Variants in PHACTR1 observed in about 807,000 individuals in gnomAD.
PHACTR1 encodes phosphatase and actin regulator 1.
PHACTR1 carries 16 observed loss-of-function variants against 69.2 expected under a neutral mutation model. The ratio of observed to expected loss-of-function variants is 0.23; its 90% CI spans 0.16 to 0.35. The LOEUF is 0.35. Among genes scored for constraint, PHACTR1 ranks in the 10% least tolerant of loss-of-function variants. PHACTR1 has a pLI of 1.00. For synonymous variants in PHACTR1, 312 were observed against 284.5 expected, an observed-to-expected ratio of 1.10 and a Z score of -0.97; for missense variants, 510 against 734.7, an observed-to-expected ratio of 0.69 and a Z score of 3.54.
intron 4 of PHACTR1, among the ~76,000 whole-genome samples, chr6:12,780,402 C>A (rs1480788387): frequency 6.6e-6 from 1 of 152,068 alleles, no homozygotes; most frequent in Non-Finnish European, 1.5e-5. Context: ...CAAGTAATTA[C>A]TGTTATGCAA....
At chr6:12,968,172 C>T (rs1454975909) in intron 4 of PHACTR1, among the ~76,000 whole-genome samples, 2 of 152,160 alleles carry the variant, frequency 1.3e-5, no homozygotes, top group Non-Finnish European at 2.9e-5. Context: ...TTCATGGAAT[C>T]GCATGCCCGC....
At chr6:13,044,941 A>T (rs559382889) in intron 4 of PHACTR1, among the ~76,000 whole-genome samples, 1 of 106,522 alleles carries the variant, frequency 9.4e-6, no homozygotes, top group East Asian at 2.1e-4. Flanking sequence ...CATCTATATT[A>T]TATGACATTT....
At chr6:12,746,334 G>T (rs1765783089) in intron 3 of PHACTR1, among the ~76,000 whole-genome samples, 1 of 152,176 alleles carries the variant, frequency 6.6e-6, no homozygotes, top group Non-Finnish European at 1.5e-5. Context: ...AGGAGTTTGA[G>T]ACCAGCTACG....
At chr6:12,831,389 A>T (rs570130436) in intron 4 of PHACTR1, among the ~76,000 whole-genome samples, 26 of 152,380 alleles carry the variant, frequency 1.7e-4, no homozygotes, top group Non-Finnish European at 3.7e-4. Context: ...CCTCAGGTAC[A>T]TATTGATTAC....
chr6:12,885,441 T>C (rs1783543877), intron 4 of PHACTR1, among the ~76,000 whole-genome samples: 1 of 152,248 alleles, frequency 6.6e-6, no homozygotes, highest in Non-Finnish European at 1.5e-5. Flanking sequence ...ATTCCTATTA[T>C]CTGGAAAATT....
chr6:12,899,840 T>G (rs1217226069), intron 4 of PHACTR1, among the ~76,000 whole-genome samples: 2 of 152,334 alleles, frequency 1.3e-5, no homozygotes, highest in East Asian at 3.9e-4. Flanking sequence ...CGCAGGAGAC[T>G]GCACGCCCGG....
chr6:13,105,182 A>G (rs186507568), intron 5 of PHACTR1, among the ~76,000 whole-genome samples: 2 of 152,318 alleles, frequency 1.3e-5, no homozygotes, highest in East Asian at 1.9e-4. Flanking sequence ...GTTTGAGACC[A>G]GCCTGGGCAA....
chr6:13,208,742 G>A lies in PHACTR1; in HGVS notation c.986+2606G>A, dbSNP rs116164373. On this transcript the variant is annotated intron_variant, in intron 8 of 14. Coordinates refer to ENST00000332995, the MANE Select transcript of PHACTR1 (RefSeq NM_030948.6). Reference sequence around the variant, plus strand: ...ATGTTAATAGTATATTGCTAAATATGCTTCCACTTAAAAAAAACACCATAT... The same window carrying A: ...ATGTTAATAGTATATTGCTAAATATACTTCCACTTAAAAAAAACACCATAT... Among the ~76,000 whole-genome samples the A allele has an allele frequency of 3.1e-3, 464 of 150,270 alleles. 1 individual carries two copies. Among genetic ancestry groups the A allele is most frequent in the Non-Finnish European group, 5.6e-3 (380 of 67,732 alleles).
intron 5 of PHACTR1, among the ~76,000 whole-genome samples, chr6:13,096,607 A>AC (rs557354275): frequency 1.3e-4 from 20 of 152,336 alleles, no homozygotes; most frequent in Admixed American, 4.6e-4. Flanking sequence ...AGGGAAAAGA[A>AC]CAAGTGCAAA....
In PHACTR1 at chr6:12,817,001, G is replaced by A. The variant is rs575542333; in HGVS notation, c.250+67211G>A. Among the ~76,000 whole-genome samples, 4 of 152,258 alleles carry A rather than the reference G, an allele frequency of 2.6e-5. No individual in the cohort carries two copies. The East Asian group carries it at 7.7e-4, about 29-fold the overall frequency. On this transcript the variant is annotated intron_variant, in intron 4 of 14. Transcript: ENST00000332995. ...AAGACACAGGGTTGTGTGTGTGGGGGTGCATGTGTGTGCCTGCCTCTGTGT... is the reference window on the plus strand; with the variant it reads ...AAGACACAGGGTTGTGTGTGTGGGGATGCATGTGTGTGCCTGCCTCTGTGT...
At chr6:12,729,006 C>T (rs1342333344) in intron 3 of PHACTR1, among the ~76,000 whole-genome samples, 5 of 152,146 alleles carry the variant, frequency 3.3e-5, no homozygotes, top group Non-Finnish European at 1.5e-5. Context: ...CGTCAAGCAC[C>T]TGATACATGT....
At chr6:12,784,911 G>T (rs1040661789) in intron 4 of PHACTR1, among the ~76,000 whole-genome samples, 2 of 151,682 alleles carry the variant, frequency 1.3e-5, no homozygotes, top group Non-Finnish European at 2.9e-5. Flanking sequence ...GTTTCTCCAT[G>T]TCGATCAGGC....
chr6:12,929,427 G>T (rs1271157178), intron 4 of PHACTR1, among the ~76,000 whole-genome samples: 3 of 152,156 alleles, frequency 2.0e-5, no homozygotes, highest in African/African-American at 7.2e-5. Context: ...GTTCATCACA[G>T]AAATTTGATG....
At chr6:12,985,541 A>AAATATATATATAT (rs1179784179) in intron 4 of PHACTR1, among the ~76,000 whole-genome samples, 3 of 132,766 alleles carry the variant, frequency 2.3e-5, no homozygotes, top group African/African-American at 8.7e-5. Flanking sequence ...AAAAAAAAAA[A>AAATATATATATAT]ATATATATAT....
At chr6:13,222,169 C>T (rs1768774016) in intron 8 of PHACTR1, among the ~76,000 whole-genome samples, 1 of 152,132 alleles carries the variant, frequency 6.6e-6, no homozygotes, top group Non-Finnish European at 1.5e-5. Context: ...CAATGAAGTC[C>T]ATTTGAATTT....
chr6:12,776,007 G>A (rs1330515618), intron 4 of PHACTR1, among the ~76,000 whole-genome samples: 1 of 152,200 alleles, frequency 6.6e-6, no homozygotes, highest in East Asian at 1.9e-4. Context: ...TGTTCTAAGA[G>A]ATCTTCCAGT....
intron 5 of PHACTR1, among the ~76,000 whole-genome samples, chr6:13,100,209 G>T (rs1285407910): frequency 6.6e-6 from 1 of 152,158 alleles, no homozygotes; most frequent in African/African-American, 2.4e-5. Context: ...AGTTTTGGGG[G>T]ATAAAGACCC....
chr6:13,087,875 G>A (rs1220797311), intron 5 of PHACTR1, among the ~76,000 whole-genome samples: 1 of 151,886 alleles, frequency 6.6e-6, no homozygotes, highest in Non-Finnish European at 1.5e-5. Flanking sequence ...TCGAAGTCCT[G>A]GGCTCAAGCA....
intron 10 of PHACTR1, among the ~76,000 whole-genome samples, chr6:13,252,070 A>G (rs993862327): frequency 1.1e-4 from 16 of 149,520 alleles, no homozygotes; most frequent in African/African-American, 3.4e-4. Context: ...AAAAAAAAAG[A>G]AAGAAAGAAA....
Sources: gnomAD v4.1 joint callset for allele counts (sites outside exome capture counted in the v4.1 genomes callset) on GRCh38, gnomAD v4.1.1 for gene constraint, MANE v1.5 for transcripts, NCBI Gene and HGNC (gene_info 2026-07-23, HGNC 2026-07-21) for gene names.